The following TRPM1 variants were observed in gnomAD, a reference collection of about 807,000 sequenced individuals.
The protein encoded by TRPM1 is transient receptor potential cation channel subfamily M member 1.
A neutral mutation model predicts 149.4 loss-of-function variants in TRPM1; 113 were observed. The observed-to-expected ratio is 0.76, with a 90% CI of 0.65 to 0.88. TRPM1 has a LOEUF of 0.88. Ranked by LOEUF, TRPM1 falls within the 40% of genes least tolerant of loss-of-function variation. The pLI, the probability that TRPM1 is intolerant of heterozygous loss-of-function variation, is 0.00. For synonymous variants in TRPM1, 741 were observed against 759.5 expected (o/e 0.98, Z 0.40); for missense variants, 1,976 against 2,038.7 (o/e 0.97, Z 0.59).
At chr15:31,004,394 C>T (rs1260985728) in intron 27 of TRPM1, among the ~76,000 whole-genome samples, 2 of 152,000 alleles carry the variant, frequency 1.3e-5, no homozygotes, top group Non-Finnish European at 2.9e-5. Context: ...AACTCCACCC[C>T]CACCCTGCTG....
chr15:31,136,351 T>C (rs1301125235), intron 1 of TRPM1, among the ~76,000 whole-genome samples: 1 of 152,224 alleles, frequency 6.6e-6, no homozygotes, highest in Non-Finnish European at 1.5e-5. Flanking sequence ...ATGGGGACTC[T>C]TGTCTTCCAC....
At chr15:31,055,507 G>A (rs2034057716) in intron 11 of TRPM1, among the ~76,000 whole-genome samples, 1 of 152,172 alleles carries the variant, frequency 6.6e-6, no homozygotes, top group African/African-American at 2.4e-5. Context: ...CAGAAGGCAT[G>A]GTGACCGGAA....
rs1431514192 is a variant in TRPM1 at position 31,040,646 on chromosome 15, C to T, written c.2088-300G>A. On this transcript the variant is annotated intron_variant, in intron 17 of 27. Transcript: ENST00000256552. The surrounding 1 kb of genome is among the most constrained non-coding windows in gnomAD (Gnocchi z 4.2). ...GACATAGAGACGAGAAGACAAAGTC[C>T]CTTCCCTCAAGTTGTGCACAGATCA... Among the ~76,000 whole-genome samples, 1 of 152,186 alleles carries T rather than the reference C, an allele frequency of 6.6e-6. No homozygotes were observed. The highest frequency in any genetic ancestry group is 1.5e-5 in the Non-Finnish European group (1 of 68,034).
In TRPM1 at chr15:31,113,525, A is replaced by T. The variant is rs551020258; in HGVS notation, c.55-36541T>A. Among the ~76,000 whole-genome samples, 480 of 152,154 alleles carry T rather than the reference A, an allele frequency of 3.2e-3. 3 individuals carry two copies. The highest frequency in any genetic ancestry group is 3.8e-3 in the Non-Finnish European group (257 of 68,026). On this transcript the variant is annotated intron_variant, in intron 1 of 26. Transcript: ENST00000542188. ...GACTGAGAATTTTCCAAACTGTCAA[A>T]AAACATTTTTCTTTGTACTCCTAAA...
At chr15:31,044,122 C>A (rs1033675608) in intron 16 of TRPM1, among the ~76,000 whole-genome samples, 1 of 151,846 alleles carries the variant, frequency 6.6e-6, no homozygotes, top group African/African-American at 2.4e-5. Flanking sequence ...AAATACACTT[C>A]TAAATAACTC....
Position 31,042,184 on chromosome 15 carries a change from G to C in TRPM1, c.1854C>G (p.Ile618Met), listed in dbSNP as rs759540459. Residue 618 changes from isoleucine to methionine, a missense_variant, in exon 17 of 28, where the codon ATC (isoleucine) becomes ATG (methionine). Physicochemically the swap from Ile to Met is conservative, Grantham distance 10. Transcript: ENST00000256552. Reference protein sequence around the residue: ...KKKKKKKEEEIDIDVDDPAVS... With the variant: ...KKKKKKKEEEMDIDVDDPAVS... ...CGGCAGGGTCGTCCACATCAATGTC[G>C]ATCTCTTCCTCCTTTTTCTTCTTTT... 1.2e-6 allele frequency: 2 copies of C among 1,613,606 alleles called. No homozygotes were observed. The highest frequency in any genetic ancestry group is 3.3e-5 in the Admixed American group (2 of 59,946).
intron 7 of TRPM1, 141 bp downstream of exon 7, chr15:31,065,935 C>T: frequency 2.0e-6 from 2 of 1,021,270 alleles, no homozygotes; most frequent in Non-Finnish European, 2.9e-6. Context: ...GGTAAGACAT[C>T]TAGGTGAGTC....
chr15:31,014,873 CA>C (rs1303627395), intron 27 of TRPM1, among the ~76,000 whole-genome samples: 1 of 152,082 alleles, frequency 6.6e-6, no homozygotes, highest in Non-Finnish European at 1.5e-5. Flanking sequence ...TTCTATCCTC[CA>C]ACCAGAAAGC....
At chr15:31,160,770 A>G in intron 1 of TRPM1, 1 of 915,478 alleles carries the variant, frequency 1.1e-6, no homozygotes, top group Non-Finnish European at 1.7e-6. Context: ...TGAACACCCC[A>G]TGCCCCATGC....
intron 1 of TRPM1, among the ~76,000 whole-genome samples, chr15:31,139,429 A>T (rs866814201): frequency 2.6e-5 from 4 of 152,220 alleles, no homozygotes; most frequent in Non-Finnish European, 2.9e-5. Context: ...CCTACAAATG[A>T]ATAATCTTAT....
intron 27 of TRPM1, among the ~76,000 whole-genome samples, chr15:31,018,940 G>A (rs2032463306): frequency 6.6e-6 from 1 of 152,208 alleles, no homozygotes; most frequent in South Asian, 2.1e-4. Flanking sequence ...ACAGGCGTGA[G>A]CCACTGTGCC....
rs764688576 is a variant in TRPM1, at chr15:31,029,353, A to C, written c.3148+18T>G. On this transcript the variant is annotated intron_variant, in intron 24 of 27. Coordinates refer to ENST00000256552, the MANE Select transcript of TRPM1 (RefSeq NM_001252024.2). ...ACACATTCCATAGACTAGAATAATC[A>C]ATTCCATGTAAACTTACGATTAATT... The C allele has an allele frequency of 6.8e-6, 11 of 1,611,846 alleles. No individual in the cohort carries two copies. The highest frequency in any genetic ancestry group is 1.7e-5 in the Admixed American group (1 of 60,002).
chr15:31,030,494 C>G (rs2033016436), intron 23 of TRPM1, among the ~76,000 whole-genome samples: 1 of 152,154 alleles, frequency 6.6e-6, no homozygotes, highest in Admixed American at 6.5e-5. Context: ...TACTAACATC[C>G]AGATTATTTT....
rs58872566 is a variant in TRPM1, at chr15:31,087,231, A to ATTTTTTTTT, written c.-83-5802_-83-5794dup. Among the ~76,000 whole-genome samples, 128 of 59,440 alleles carry ATTTTTTTTT rather than the reference A, an allele frequency of 2.2e-3. 11 individuals carry two copies. Among genetic ancestry groups the ATTTTTTTTT allele is most frequent in the African/African-American group, 6.1e-3 (86 of 14,040 alleles). The allele number at this position is 59,440 out of a possible 152,430, so 39.0% of individuals were successfully genotyped here. ...AGCAGTTAAGCAGGTCTCAATAGGG[A>ATTTTTTTTT]TTTTTTTTTTTTTTTTTTTTTTTTT... On this transcript the variant is annotated intron_variant, in intron 1 of 27. Transcript: ENST00000256552.
At chr15:31,119,112 A>C (rs898270705) in intron 1 of TRPM1, among the ~76,000 whole-genome samples, 3 of 152,006 alleles carry the variant, frequency 2.0e-5, no homozygotes, top group African/African-American at 7.2e-5. Context: ...ATGGTGGTGC[A>C]TGCCTGTAAT....
chr15:31,130,680 G>A (rs2036005163), intron 1 of TRPM1, among the ~76,000 whole-genome samples: 1 of 152,144 alleles, frequency 6.6e-6, no homozygotes, highest in African/African-American at 2.4e-5. Flanking sequence ...CACCCAGACT[G>A]GTGGTAATCA....
chr15:31,003,344 G>A (rs2031865528), intron 27 of TRPM1, among the ~76,000 whole-genome samples: 1 of 152,194 alleles, frequency 6.6e-6, no homozygotes, highest in African/African-American at 2.4e-5. Context: ...TACTTACTGA[G>A]GTTCAATCCT....
intron 1 of TRPM1, among the ~76,000 whole-genome samples, chr15:31,099,536 C>T (rs1368764547): frequency 2.0e-5 from 3 of 152,162 alleles, no homozygotes; most frequent in African/African-American, 7.2e-5. Context: ...GTTTTGTTTT[C>T]ACTTAGTTCA....
intron 1 of TRPM1, among the ~76,000 whole-genome samples, chr15:31,136,749 CT>C (rs60370849): frequency 2.0e-3 from 280 of 137,742 alleles, no homozygotes; most frequent in Middle Eastern, 0.011. Context: ...CGCCCCCACC[CT>C]TTTTTTTTTT....
Sources: allele counts gnomAD v4.1 joint callset (sites outside exome capture counted in the v4.1 genomes callset), GRCh38; gene constraint gnomAD v4.1.1; non-coding constraint Gnocchi (gnomAD v3.1); transcripts MANE v1.5; gene names NCBI Gene and HGNC (gene_info 2026-07-23, HGNC 2026-07-21).